ARHGAP18: variants seen among roughly 807,000 people sequenced by gnomAD.
ARHGAP18 encodes Rho GTPase activating protein 18, also known as rho GTPase-activating protein 18.
Under a neutral mutation model 86.2 loss-of-function variants are expected in ARHGAP18, and 67 were observed. That is an observed-to-expected ratio of 0.78 (90% CI 0.64 to 0.95). The LOEUF (loss-of-function observed/expected upper bound fraction) is 0.95, where lower values mean the gene tolerates loss of function less well. ARHGAP18 is among the 40% of genes least tolerant of loss of function. The probability of loss-of-function intolerance (pLI) is 0.00; values close to 1 mark genes in which losing one functional copy is unlikely to be tolerated. For missense variants in ARHGAP18, 691 were observed against 780.4 expected, an observed-to-expected ratio of 0.89 and a Z score of 1.37; for synonymous variants, 283 against 280.4, an observed-to-expected ratio of 1.01 and a Z score of -0.09.
chr6:129,642,466 G>T lies in ARHGAP18; in HGVS notation c.114-448C>A, dbSNP rs1584081322. Reference sequence around the variant, plus strand: ...TGCCCAGCTAATTTTTTTTTTTTTGGCAGACATGGGGTCTTGCTGTGTTGC... The same window carrying T: ...TGCCCAGCTAATTTTTTTTTTTTTGTCAGACATGGGGTCTTGCTGTGTTGC... On this transcript the variant is annotated intron_variant, in intron 1 of 14. Coordinates refer to ENST00000368149, the MANE Select transcript of ARHGAP18 (RefSeq NM_033515.3). Among the ~76,000 whole-genome samples the T allele has an allele frequency of 2.0e-5, 3 of 149,770 alleles. No homozygotes were observed. In the East Asian group the frequency reaches 5.9e-4, roughly 29 times the overall value.
At chr6:129,628,545 T>C (rs968377301) in intron 5 of ARHGAP18, among the ~76,000 whole-genome samples, 1 of 152,184 alleles carries the variant, frequency 6.6e-6, no homozygotes, top group Non-Finnish European at 1.5e-5. Context: ...CATCTCTCCT[T>C]AGACAAGTTG....
At chr6:129,602,608 A>G (rs543208264) in intron 10 of ARHGAP18, among the ~76,000 whole-genome samples, 1 of 152,310 alleles carries the variant, frequency 6.6e-6, no homozygotes, top group South Asian at 2.1e-4. Context: ...TCTAACAATG[A>G]GATTTATGTA....
intron 1 of ARHGAP18, among the ~76,000 whole-genome samples, chr6:129,701,601 C>T (rs903277464): frequency 1.3e-5 from 2 of 152,106 alleles, no homozygotes; most frequent in African/African-American, 4.8e-5. Flanking sequence ...GAAACCCCAT[C>T]TCTACTAAAA....
chr6:129,610,487 G>C (rs1195115137), intron 8 of ARHGAP18, among the ~76,000 whole-genome samples: 1 of 152,208 alleles, frequency 6.6e-6, no homozygotes, highest in East Asian at 1.9e-4. Flanking sequence ...CCAGACTCAG[G>C]CTACCCTGGA....
chr6:129,638,334 T>G, intron 3 of ARHGAP18, 60 bp downstream of exon 3: 1 of 1,471,378 alleles, frequency 6.8e-7, no homozygotes, highest in South Asian at 1.2e-5. Flanking sequence ...TTAAACCAGA[T>G]TGATCCAATT....
chr6:129,666,514 T>G (rs1774040809), intron 1 of ARHGAP18, among the ~76,000 whole-genome samples: 1 of 152,194 alleles, frequency 6.6e-6, no homozygotes, highest in South Asian at 2.1e-4. Context: ...AAACCACCTT[T>G]GGAGCACCTA....
chr6:129,667,754 G>A (rs1774069049), intron 1 of ARHGAP18, among the ~76,000 whole-genome samples: 1 of 151,962 alleles, frequency 6.6e-6, no homozygotes, highest in South Asian at 2.1e-4. Context: ...GCAGGCTCTT[G>A]GCCAAGGACA....
At chr6:129,593,831 A>C (rs942068811) in intron 12 of ARHGAP18, among the ~76,000 whole-genome samples, 1 of 152,228 alleles carries the variant, frequency 6.6e-6, no homozygotes, top group African/African-American at 2.4e-5. Context: ...CCAAACACTC[A>C]GTATGCTGTA....
At chr6:129,587,682 C>A (rs772453708) in intron 12 of ARHGAP18, among the ~76,000 whole-genome samples, 11 of 152,092 alleles carry the variant, frequency 7.2e-5, no homozygotes, top group African/African-American at 1.2e-4. Context: ...ATCACAAGAA[C>A]AGCAGCATAA....
chr6:129,589,240 T>G (rs1306567595), intron 12 of ARHGAP18, among the ~76,000 whole-genome samples: 2 of 152,180 alleles, frequency 1.3e-5, no homozygotes, highest in African/African-American at 4.8e-5. Context: ...GCTGCAAATT[T>G]TCCAAACTTT....
At chr6:129,641,726 T>A (rs1773467872) in intron 2 of ARHGAP18, 90 bp downstream of exon 2, 3 of 1,240,068 alleles carry the variant, frequency 2.4e-6, no homozygotes, top group African/African-American at 1.6e-5. Flanking sequence ...GTCCTAGCTT[T>A]AATTTTTTTT....
chr6:129,601,934 AT>A (rs1385869161), intron 10 of ARHGAP18, among the ~76,000 whole-genome samples: 11 of 151,860 alleles, frequency 7.2e-5, no homozygotes, highest in African/African-American at 1.7e-4. Flanking sequence ...CCAGCTGAGA[AT>A]TTTTTTTAAA....
chr6:129,604,331 A>G (rs1470662968), intron 10 of ARHGAP18, among the ~76,000 whole-genome samples: 1 of 152,130 alleles, frequency 6.6e-6, no homozygotes, highest in East Asian at 1.9e-4. Flanking sequence ...TTTGAGGGCA[A>G]AGCCCGAAGA....
intron 10 of ARHGAP18, among the ~76,000 whole-genome samples, chr6:129,601,450 G>A (rs919105796): frequency 1.3e-5 from 2 of 151,080 alleles, no homozygotes; most frequent in Non-Finnish European, 2.9e-5. Flanking sequence ...AGGCAACAGA[G>A]AGAAACCCTC....
intron 1 of ARHGAP18, among the ~76,000 whole-genome samples, chr6:129,649,052 T>C (rs1249654584): frequency 1.3e-5 from 2 of 152,112 alleles, no homozygotes; most frequent in Admixed American, 1.3e-4. Flanking sequence ...TAGAAAGCAA[T>C]ACCACATCAC....
At chr6:129,677,372 G>C (rs1308121507) in intron 1 of ARHGAP18, among the ~76,000 whole-genome samples, 1 of 150,384 alleles carries the variant, frequency 6.6e-6, no homozygotes, top group Non-Finnish European at 1.5e-5. Context: ...CGGCCCTGGC[G>C]AAAGAGCGAG....
At position 129,634,142 on chromosome 6, in the gene ARHGAP18, C is replaced by G. The variant is rs748447525; in HGVS notation, c.553-37G>C. On this transcript the variant is annotated intron_variant, in intron 3 of 14. Transcript: ENST00000368149. ...AAACAGGCCATTTAGTCATCTCCAA[C>G]TCAAAACCAGAGAAAATGGTACTGT... 3.8e-6 allele frequency: 6 copies of G among 1,579,984 alleles called. No homozygotes were observed. In the East Asian group the frequency reaches 1.1e-4, roughly 29 times the overall value.
chr6:129,583,117 G>A (rs1788321857), intron 13 of ARHGAP18, among the ~76,000 whole-genome samples: 1 of 152,156 alleles, frequency 6.6e-6, no homozygotes, highest in South Asian at 2.1e-4. Flanking sequence ...GCCCCCAAAT[G>A]TTAGAATGAG....
intron 1 of ARHGAP18, among the ~76,000 whole-genome samples, chr6:129,682,230 T>C (rs1021051569): frequency 1.3e-5 from 2 of 152,216 alleles, no homozygotes; most frequent in Non-Finnish European, 2.9e-5. Flanking sequence ...ACAATATTGG[T>C]GTCTGTTAAG....
Sources: allele counts gnomAD v4.1 joint callset (sites outside exome capture counted in the v4.1 genomes callset), GRCh38; gene constraint gnomAD v4.1.1; transcripts MANE v1.5; gene names NCBI Gene and HGNC (gene_info 2026-07-23, HGNC 2026-07-21).